EPG5: variants seen among roughly 807,000 people sequenced by gnomAD.
EPG5 encodes the protein ectopic P-granules 5 autophagy tethering factor.
In EPG5, 159 loss-of-function variants were observed where a neutral mutation model predicts 302.7. That is an observed-to-expected ratio of 0.53 (90% CI 0.46 to 0.60). The LOEUF (loss-of-function observed/expected upper bound fraction) is 0.60, where lower values mean the gene tolerates loss of function less well. Among genes scored for constraint, EPG5 ranks in the 20% least tolerant of loss-of-function variants. EPG5 has a pLI of 0.00. For missense variants in EPG5, 2,896 were observed against 3,092.4 expected, an observed-to-expected ratio of 0.94 and a Z score of 1.51; for synonymous variants, 1,158 against 1,136.8, an observed-to-expected ratio of 1.02 and a Z score of -0.37.
chr18:45,837,361 G>A, the EPG5 span: 1 of 1,240,346 alleles, frequency 8.1e-7, no homozygotes, highest in African/African-American at 1.6e-5. Flanking sequence ...TGGGGTTCCG[G>A]CTCCCCTGGA....
intron 7 of EPG5, 46 bp from the exon 8 acceptor site, chr18:45,944,165 A>C: frequency 8.2e-7 from 1 of 1,218,198 alleles, no homozygotes; most frequent in Non-Finnish European, 1.2e-6. Flanking sequence ...TGATCAGATC[A>C]CACTATGATC....
chr18:45,857,639 A>T (rs1342841214), intron 42 of EPG5: 2 of 522,808 alleles, frequency 3.8e-6, no homozygotes, highest in East Asian at 3.1e-5. Context: ...TGAATTGAAA[A>T]TTTTTTTTAA....
intron 11 of EPG5, among the ~76,000 whole-genome samples, chr18:45,932,740 T>TA (rs11442453): frequency 0.19 from 29,051 of 152,076 alleles, 4,329 homozygotes; most frequent in African/African-American, 0.38. Flanking sequence ...TAGAACATAG[T>TA]AGGCAGATGA....
intron 8 of EPG5, 137 bp from the exon 9 acceptor site, chr18:45,943,448 A>G (rs1462284944): frequency 4.3e-6 from 3 of 696,566 alleles, no homozygotes; most frequent in South Asian, 2.0e-5. Context: ...TCTGGCTCCC[A>G]TATCAACATG....
At chr18:45,906,847 G>T (rs180902484) in intron 24 of EPG5, among the ~76,000 whole-genome samples, 62 of 152,246 alleles carry the variant, frequency 4.1e-4, no homozygotes, top group African/African-American at 1.4e-3. Context: ...GTAGAGATGG[G>T]GTTTTGCCAT....
chr18:45,876,767 T>C (rs935913688), intron 34 of EPG5, among the ~76,000 whole-genome samples: 14 of 150,982 alleles, frequency 9.3e-5, no homozygotes, highest in African/African-American at 2.7e-4. Flanking sequence ...TATTAACAAA[T>C]AGAAAATGAG....
At position 45,912,381 on chromosome 18, in the gene EPG5, C is replaced by T; in HGVS notation, c.3892G>A (p.Ala1298Thr). ...RLLIYRWAHQ[A>T]LVTPSDHPLL... Reference sequence around the variant, plus strand: ...GGGTGATCAGAAGGTGTGACCAGAGCCTGGTGGGCCCAGCGATAAATCAGC... The same window carrying T: ...GGGTGATCAGAAGGTGTGACCAGAGTCTGGTGGGCCCAGCGATAAATCAGC... The change falls in exon 22 of 44, where the codon GCT becomes ACT. Residue 1298 changes from alanine (A) to threonine (T), a missense_variant. By Grantham distance (58) the Ala-to-Thr change is moderately conservative. This residue lies in a region of EPG5 where 790 missense variants were observed against 798.0 expected (regional missense o/e 0.99). Transcript: ENST00000282041. 1 of 1,611,222 alleles carries T rather than the reference C, an allele frequency of 6.2e-7. No homozygotes were observed. Among genetic ancestry groups the T allele is most frequent in the South Asian group, 1.1e-5 (1 of 90,530 alleles).
intron 10 of EPG5, among the ~76,000 whole-genome samples, chr18:45,936,741 G>C (rs1350496187): frequency 3.0e-5 from 4 of 135,264 alleles, no homozygotes; most frequent in Non-Finnish European, 6.3e-5. Flanking sequence ...AAAAAAAAAG[G>C]AAATCTGCAA....
At chr18:45,842,000 G>C in the EPG5 span, 1 of 1,048,506 alleles carries the variant, frequency 9.5e-7, no homozygotes, top group Non-Finnish European at 1.5e-6. Context: ...CAGCCGCACT[G>C]CTCCCCAGAA....
chr18:45,962,989 CTAGAG>C (rs978690555), intron 1 of EPG5, among the ~76,000 whole-genome samples: 2 of 152,274 alleles, frequency 1.3e-5, no homozygotes, highest in East Asian at 1.9e-4. Flanking sequence ...AGGAAATTCA[CTAGAG>C]TAAATTCCTC....
At chr18:45,926,599 G>A (rs2050274365) in intron 13 of EPG5, among the ~76,000 whole-genome samples, 1 of 152,036 alleles carries the variant, frequency 6.6e-6, no homozygotes, top group Non-Finnish European at 1.5e-5. Flanking sequence ...GGCCCAGGTG[G>A]ACAGATCACC....
At position 45,948,785 on chromosome 18, in the gene EPG5, C is replaced by T. The variant is rs150408777; in HGVS notation, c.1498-209G>A. On this transcript the variant is annotated intron_variant, in intron 5 of 43. Transcript: ENST00000282041. The stretch of plus-strand genomic sequence containing the variant: ...AGAGCAGAGGTAACTGAGCAGTTTC[C>T]ACCAATTATCTGTAACAACATGGGA... Among the ~76,000 whole-genome samples the T allele has an allele frequency of 1.6e-3, 250 of 152,216 alleles. 1 individual carries two copies. The highest frequency in any genetic ancestry group is 5.9e-3 in the African/African-American group (245 of 41,516).
At chr18:45,861,989 T>G (rs1319785843) in intron 39 of EPG5, among the ~76,000 whole-genome samples, 1 of 152,236 alleles carries the variant, frequency 6.6e-6, no homozygotes, top group Non-Finnish European at 1.5e-5. Flanking sequence ...TAGATCATTA[T>G]TCTACTTTTT....
chr18:45,837,887 C>A, the EPG5 span: 1 of 1,523,310 alleles, frequency 6.6e-7, no homozygotes, highest in Middle Eastern at 2.2e-4. Context: ...CGTCCGGCTG[C>A]ACGTGACAGG....
At chr18:45,828,758 G>A in the EPG5 span, among the ~76,000 whole-genome samples, 1 of 152,194 alleles carries the variant, frequency 6.6e-6, no homozygotes, top group African/African-American at 2.4e-5. Context: ...GGGAGCCTGG[G>A]CAAAGCCTGG....
the EPG5 span, chr18:45,840,085 C>T: frequency 9.9e-7 from 1 of 1,007,794 alleles, no homozygotes; most frequent in Non-Finnish European, 1.5e-6. Context: ...CCCTGCTAGT[C>T]TGCTGTTTGC....
Position 45,948,548 on chromosome 18 carries a change from A to T in EPG5, c.1526T>A (p.Val509Asp), listed in dbSNP as rs1002785703. Residue 509 changes from valine to aspartate, a missense_variant, in exon 6 of 44, where the codon GTC (valine) becomes GAC (aspartate). Transcript: ENST00000282041. ...QIKVLHNPSG[V>D]FHFMQSLALL... is the part of the protein sequence containing the mutation. ...GGCAAGGGATTGCATAAAATGAAAG[A>T]CCCCTGATGGGTTATGCAACACTTT... 1.2e-6 allele frequency: 2 copies of T among 1,613,804 alleles called. No homozygotes were observed. Among genetic ancestry groups the T allele is most frequent in the African/African-American group, 2.7e-5 (2 of 74,916 alleles).
Position 45,967,305 on chromosome 18 carries a change from G to T in EPG5, c.-66C>A, listed in dbSNP as rs79132795. On this transcript the variant is annotated 5_prime_UTR_variant, in exon 1 of 44. Coordinates refer to ENST00000282041, the MANE Select transcript of EPG5 (RefSeq NM_020964.3). Reference sequence around the variant, plus strand: ...CCCCTGCGCTTCAAGCAACCTGCCCGGTTCTGGCCTCCGGACTGTCACATG... The same window carrying T: ...CCCCTGCGCTTCAAGCAACCTGCCCTGTTCTGGCCTCCGGACTGTCACATG... 4 of 1,437,656 alleles carry T rather than the reference G, an allele frequency of 2.8e-6. No individual in the cohort carries two copies. The African/African-American group carries it at 5.7e-5, about 21-fold the overall frequency. The allele number at this position is 1,437,656 out of a possible 1,614,324, so 89.1% of individuals were successfully genotyped here.
chr18:45,854,801 C>G (rs2048480792), intron 43 of EPG5, among the ~76,000 whole-genome samples: 1 of 152,172 alleles, frequency 6.6e-6, no homozygotes, highest in Non-Finnish European at 1.5e-5. Flanking sequence ...TTCAAGGCTG[C>G]AGTGAGATAT....
Sources: allele counts gnomAD v4.1 joint callset (sites outside exome capture counted in the v4.1 genomes callset), GRCh38; gene constraint gnomAD v4.1.1; regional missense constraint gnomAD v4.1.1; transcripts MANE v1.5; gene names NCBI Gene and HGNC (gene_info 2026-07-23, HGNC 2026-07-21).